AKT3: variants seen among roughly 807,000 people sequenced by gnomAD.
AKT3 encodes RAC-gamma serine/threonine-protein kinase.
In AKT3, 15 loss-of-function variants were observed where a neutral mutation model predicts 65.3. The ratio of observed to expected loss-of-function variants is 0.23; its 90% CI spans 0.15 to 0.35. The LOEUF (loss-of-function observed/expected upper bound fraction) is 0.35. Among genes scored for constraint, AKT3 ranks in the 10% least tolerant of loss-of-function variants. AKT3 has a pLI of 1.00. For missense variants in AKT3, 243 were observed against 576.5 expected, an observed-to-expected ratio of 0.42 and a Z score of 5.92; for synonymous variants, 206 against 183.8, an observed-to-expected ratio of 1.12 and a Z score of -0.98.
intron 12 of AKT3, among the ~76,000 whole-genome samples, chr1:243,513,774 C>T (rs552489256): frequency 1.3e-5 from 2 of 152,268 alleles, no homozygotes; most frequent in Admixed American, 6.5e-5. Context: ...CTGGTAATGG[C>T]GACTAATCCC....
At position 243,508,682 on chromosome 1, in the gene AKT3, A is replaced by T. The variant is rs1455130857; in HGVS notation, c.1355-3348T>A. 5.6e-3 allele frequency among the ~76,000 whole-genome samples: 410 copies of T among 72,680 alleles called. 2 individuals are homozygous for T. Among genetic ancestry groups the T allele is most frequent in the African/African-American group, 0.026 (301 of 11,504 alleles). 47.7% of individuals were successfully genotyped at this position (72,680 alleles called of 152,430 possible). A position where few individuals can be genotyped will look rare whatever the true frequency, so the allele number is the denominator to read the frequency against. Reference sequence around the variant, plus strand: ...TTTTTTTTTTTTTTTTTTTTTTTTTAAAAGACAGAGTCTTGCTCTGTCACC... The same window carrying T: ...TTTTTTTTTTTTTTTTTTTTTTTTTTAAAGACAGAGTCTTGCTCTGTCACC... On this transcript the variant is annotated intron_variant, in intron 13 of 13. Coordinates refer to ENST00000673466, the MANE Select transcript of AKT3 (RefSeq NM_005465.7).
At chr1:243,848,984 TAA>T (rs1695632203) in intron 1 of AKT3, among the ~76,000 whole-genome samples, 1 of 152,198 alleles carries the variant, frequency 6.6e-6, no homozygotes, top group African/African-American at 2.4e-5. Flanking sequence ...TTTCAGAACA[TAA>T]ACAGTAAATA....
chr1:243,525,667 A>G (rs563507537), intron 12 of AKT3, among the ~76,000 whole-genome samples: 1 of 143,164 alleles, frequency 7.0e-6, no homozygotes, highest in South Asian at 2.3e-4. Context: ...GAGTCAGTAA[A>G]CTTGATATAC....
intron 2 of AKT3, among the ~76,000 whole-genome samples, chr1:243,750,294 T>C (rs1410790958): frequency 6.6e-6 from 1 of 152,158 alleles, no homozygotes; most frequent in African/African-American, 2.4e-5. Context: ...AACATACATT[T>C]TGTATCATCT....
Position 243,695,731 on chromosome 1 carries a change from C to A in AKT3, c.47-15G>T. 6.4e-7 allele frequency: 1 copy of A among 1,572,820 alleles called. No individual in the cohort carries two copies. The highest frequency in any genetic ancestry group is 8.6e-7 in the Non-Finnish European group (1 of 1,163,926). ...TATATATTCTCCTACATGAGGAAAG[C>A]ACGCATGTTAATGCTGAAAAAAATG... is the stretch of plus-strand genomic sequence containing the variant. On this transcript the variant is annotated splice_polypyrimidine_tract_variant and intron_variant, in intron 2 of 13. Transcript: ENST00000673466.
chr1:243,714,934 A>G (rs1686409018), intron 2 of AKT3, among the ~76,000 whole-genome samples: 2 of 152,138 alleles, frequency 1.3e-5, no homozygotes, highest in African/African-American at 4.8e-5. Flanking sequence ...TTTACTCAAT[A>G]TAAACTATGT....
intron 8 of AKT3, 27 bp from the exon 9 acceptor site, chr1:243,573,075 T>C (rs1674680120): frequency 1.9e-6 from 3 of 1,607,832 alleles, no homozygotes; most frequent in Non-Finnish European, 2.5e-6. Flanking sequence ...AGGGACAGGA[T>C]TGTAATAATT....
At chr1:243,739,818 G>A (rs951631276) in intron 2 of AKT3, among the ~76,000 whole-genome samples, 4 of 152,120 alleles carry the variant, frequency 2.6e-5, no homozygotes, top group African/African-American at 9.7e-5. Context: ...CCCAAATCCC[G>A]GAACATGCTG....
intron 2 of AKT3, among the ~76,000 whole-genome samples, chr1:243,780,135 G>A (rs1056836330): frequency 1.3e-5 from 2 of 151,998 alleles, no homozygotes; most frequent in African/African-American, 4.8e-5. Flanking sequence ...TAATCTCAAA[G>A]AATCATACGA....
intron 8 of AKT3, among the ~76,000 whole-genome samples, chr1:243,574,339 T>A (rs1287575084): frequency 6.9e-6 from 1 of 145,058 alleles, no homozygotes; most frequent in Non-Finnish European, 1.5e-5. Context: ...AGAGAAAATA[T>A]CACCTATAGC....
chr1:243,837,117 G>A (rs571786210), intron 2 of AKT3, among the ~76,000 whole-genome samples: 4 of 152,044 alleles, frequency 2.6e-5, no homozygotes, highest in South Asian at 2.1e-4. Context: ...TGCCCAGGAC[G>A]TCAAGGTCAG....
intron 8 of AKT3, among the ~76,000 whole-genome samples, chr1:243,594,931 G>T (rs924754917): frequency 1.3e-5 from 2 of 151,864 alleles, no homozygotes; most frequent in Non-Finnish European, 2.9e-5. Context: ...TGTCTGTAGG[G>T]GGAAAAAAAT....
chr1:243,611,939 A>AAGTTGTTTATTATGAACTT (rs1343477023), intron 8 of AKT3, among the ~76,000 whole-genome samples: 1 of 152,168 alleles, frequency 6.6e-6, no homozygotes, highest in Non-Finnish European at 1.5e-5. Context: ...TTCTTTTATG[A>AAGTTGTTTATTATGAACTT]CTTTATTAGA....
chr1:243,653,806 C>T (rs1376919156), intron 4 of AKT3, among the ~76,000 whole-genome samples: 1 of 152,112 alleles, frequency 6.6e-6, no homozygotes, highest in Non-Finnish European at 1.5e-5. Context: ...ATAAAGTATC[C>T]TAGTAATCTA....
At chr1:243,800,820 T>C (rs777442830) in intron 2 of AKT3, among the ~76,000 whole-genome samples, 42 of 152,068 alleles carry the variant, frequency 2.8e-4, no homozygotes, top group Non-Finnish European at 1.5e-4. Context: ...CCCAACTAGT[T>C]AGGATAAGCC....
At chr1:243,787,643 A>T (rs1022449688) in intron 2 of AKT3, among the ~76,000 whole-genome samples, 1 of 152,078 alleles carries the variant, frequency 6.6e-6, no homozygotes, top group Non-Finnish European at 1.5e-5. Context: ...TTTGTTTCTC[A>T]TTTCTTTAGT....
chr1:243,551,214 C>T (rs936113648), intron 11 of AKT3, among the ~76,000 whole-genome samples: 4 of 152,062 alleles, frequency 2.6e-5, no homozygotes, highest in African/African-American at 9.7e-5. Flanking sequence ...CTAACCCTCT[C>T]TGGGCCTTTG....
At chr1:243,627,147 C>G (rs188038207) in intron 6 of AKT3, among the ~76,000 whole-genome samples, 87 of 152,266 alleles carry the variant, frequency 5.7e-4, no homozygotes, top group African/African-American at 2.0e-3. Flanking sequence ...TCATCTACAG[C>G]ATCAGCAGTC....
intron 2 of AKT3, among the ~76,000 whole-genome samples, chr1:243,830,610 G>A (rs1675825488): frequency 6.6e-6 from 1 of 152,142 alleles, no homozygotes; most frequent in African/African-American, 2.4e-5. Flanking sequence ...AACAGATACA[G>A]TGCAACTTTA....
Sources: gnomAD v4.1 joint callset for allele counts (sites outside exome capture counted in the v4.1 genomes callset) on GRCh38, gnomAD v4.1.1 for gene constraint, MANE v1.5 for transcripts, NCBI Gene and HGNC (gene_info 2026-07-23, HGNC 2026-07-21) for gene names.